ANKS3: variants seen among roughly 807,000 people sequenced by gnomAD.
The protein encoded by ANKS3 is ankyrin repeat and SAM domain-containing protein 3.
A neutral mutation model predicts 80.7 loss-of-function variants in ANKS3; 62 were observed. The ratio of observed to expected loss-of-function variants is 0.77; its 90% CI spans 0.63 to 0.95. The LOEUF (loss-of-function observed/expected upper bound fraction) is 0.95, where lower values mean the gene tolerates loss of function less well. ANKS3 is among the 40% of genes least tolerant of loss of function. The pLI is 0.00. For synonymous variants in ANKS3, 489 were observed against 355.3 expected (o/e 1.38, Z -4.23); for missense variants, 1,150 against 883.6 (o/e 1.30, Z -3.82).
At chr16:4,701,816 G>A (rs2079923458) in intron 9 of ANKS3, 2 of 506,320 alleles carry the variant, frequency 4.0e-6, no homozygotes, top group Non-Finnish European at 3.5e-6. Context: ...CGGAGGTGCA[G>A]TTATAACAGA....
In ANKS3 at chr16:4,702,119, C is replaced by G; in HGVS notation, c.992G>C (p.Ser331Thr). The G allele has an allele frequency of 2.5e-6, 4 of 1,596,468 alleles. No homozygotes were observed. Among genetic ancestry groups the G allele is most frequent in the Non-Finnish European group, 3.4e-6 (4 of 1,173,362 alleles). ...GCACGTACCCCGACTGCTGCTGCTG[C>G]TGCTGCTCTCCACATCCCGCTCATT... ...PINERDVESS[S>T]SSSSREEHAF... The change falls in exon 9 of 18, where the codon AGC becomes ACC. Residue 331 changes from serine to threonine, a missense_variant. Transcript: ENST00000304283.
At chr16:4,704,837 T>C (rs1356084258) in intron 8 of ANKS3, among the ~76,000 whole-genome samples, 1 of 152,220 alleles carries the variant, frequency 6.6e-6, no homozygotes, top group African/African-American at 2.4e-5. Flanking sequence ...GGAGAGAAAG[T>C]TCTATTCCTA....
At chr16:4,708,251 C>G (rs759622684) in intron 7 of ANKS3, among the ~76,000 whole-genome samples, 1 of 151,972 alleles carries the variant, frequency 6.6e-6, no homozygotes, top group Non-Finnish European at 1.5e-5. Flanking sequence ...AAATTAATTG[C>G]AAGATCAAAA....
chr16:4,707,568 C>A (rs1402744291), intron 7 of ANKS3, among the ~76,000 whole-genome samples: 1 of 152,094 alleles, frequency 6.6e-6, no homozygotes, highest in Non-Finnish European at 1.5e-5. Flanking sequence ...AGGTATGGGC[C>A]ATGCCCAGCC....
At chr16:4,700,565 T>A (rs2079842699) in intron 11 of ANKS3, 1 of 356,562 alleles carries the variant, frequency 2.8e-6, no homozygotes, top group Non-Finnish European at 5.5e-6. Context: ...TAATGTGTGG[T>A]CAGAGGGACC....
Position 4,699,100 on chromosome 16 carries a change from C to T in ANKS3, c.1361G>A (p.Arg454His), listed in dbSNP as rs138763631. ...GCTCTCAGTGAGGGTCAGAAAGATG[C>T]GGAGGTCCACGTCCTGCTCCTCAAA... ...QVFEEQDVDL[R>H]IFLTLTESDL... Residue 454 changes from arginine (R) to histidine (H), a missense_variant, in exon 12 of 18, where the codon CGC becomes CAC. Physicochemically the swap from Arg to His is conservative, Grantham distance 29. Coordinates refer to ENST00000304283, the MANE Select transcript of ANKS3 (RefSeq NM_133450.4). The T allele has an allele frequency of 7.4e-6, 12 of 1,614,134 alleles. No individual in the cohort carries two copies. The highest frequency in any genetic ancestry group is 1.1e-5 in the South Asian group (1 of 91,078).
Position 4,701,002 on chromosome 16 carries a change from G to C in ANKS3, c.1252C>G (p.Gln418Glu). 3 of 1,613,936 alleles carry C rather than the reference G, an allele frequency of 1.9e-6. No individual in the cohort carries two copies. Among genetic ancestry groups the C allele is most frequent in the Non-Finnish European group, 1.7e-6 (2 of 1,179,918 alleles). ...CCTGAGTAGGGGGCCCTCTGAGTCT[G>C]GGGGCTGGACTCAGCGAGAAAGCCT... is the stretch of plus-strand genomic sequence containing the variant. ...REGFLAESSP[Q>E]TQRAPYSGPQ... Residue 418 changes from glutamine to glutamate, a missense_variant, in exon 11 of 18, where the codon CAG (glutamine) becomes GAG (glutamate). Gln to Glu is a conservative substitution (Grantham distance 29). Transcript: ENST00000304283.
intron 10 of ANKS3, 51 bp downstream of exon 10, chr16:4,701,383 C>T (rs754936595): frequency 1.1e-5 from 16 of 1,499,284 alleles, no homozygotes; most frequent in Non-Finnish European, 1.4e-5. Context: ...GGATGTCAGG[C>T]ATCCCAGCCA....
chr16:4,715,908 G>A (rs79537541), intron 6 of ANKS3, among the ~76,000 whole-genome samples: 2,882 of 152,040 alleles, frequency 0.019, 44 homozygotes, highest in Non-Finnish European at 0.03. Context: ...TTTCACTGTG[G>A]CATTCAGCAT....
chr16:4,708,503 A>AG (rs1450028215), intron 7 of ANKS3, among the ~76,000 whole-genome samples: 1 of 152,232 alleles, frequency 6.6e-6, no homozygotes, highest in African/African-American at 2.4e-5. Context: ...TCAAAAAACT[A>AG]GAACAACAAA....
chr16:4,725,355 C>T (rs1170817613), intron 5 of ANKS3, among the ~76,000 whole-genome samples: 1 of 152,192 alleles, frequency 6.6e-6, no homozygotes, highest in Non-Finnish European at 1.5e-5. Flanking sequence ...TTGTCTCATG[C>T]TGGTTTGGAA....
At chr16:4,725,410 G>A (rs1192371977) in intron 5 of ANKS3, among the ~76,000 whole-genome samples, 4 of 152,148 alleles carry the variant, frequency 2.6e-5, no homozygotes, top group Non-Finnish European at 5.9e-5. Context: ...TCCATCTTAA[G>A]ACACACAGTG....
intron 6 of ANKS3, among the ~76,000 whole-genome samples, chr16:4,719,286 CGCGCCACTGT>C (rs1221435094): frequency 3.3e-5 from 5 of 152,264 alleles, no homozygotes; most frequent in African/African-American, 1.2e-4. Context: ...AAACTATGAT[CGCGCCACTGT>C]GCTCCAGCAT....
At chr16:4,713,446 TG>T (rs1393153291) in intron 7 of ANKS3, among the ~76,000 whole-genome samples, 1 of 151,828 alleles carries the variant, frequency 6.6e-6, no homozygotes, top group Non-Finnish European at 1.5e-5. Flanking sequence ...CCCTGAGAGT[TG>T]GGGGGAAAAA....
rs997541300 is a variant in ANKS3, at chr16:4,711,977, G to A, written c.709+2074C>T. Among the ~76,000 whole-genome samples the A allele has an allele frequency of 2.0e-5, 3 of 152,140 alleles. No homozygotes were observed. The East Asian group carries it at 5.8e-4, about 29-fold the overall frequency. On this transcript the variant is annotated intron_variant, in intron 7 of 17. Transcript: ENST00000304283. ...TAAGACCAGGTAGCACTAATGCTACGTGTATTGTCCTAGAACACAAAAAAG... is the reference window on the plus strand; with the variant it reads ...TAAGACCAGGTAGCACTAATGCTACATGTATTGTCCTAGAACACAAAAAAG...
In ANKS3 at chr16:4,731,563, G is replaced by A. The variant is rs1008122415; in HGVS notation, c.-54C>T. 6.7e-6 allele frequency: 6 copies of A among 901,280 alleles called. No homozygotes were observed. In the Admixed American group the frequency reaches 1.9e-4, roughly 28 times the overall value. 55.8% of individuals were successfully genotyped at this position (901,280 alleles called of 1,614,324 possible). ...CTCAAAGTCCTGGAAATATAGGCGT[G>A]AGCCACTGCACCTGGCCTGTAAATT... On this transcript the variant is annotated 5_prime_UTR_variant, in exon 2 of 18. Transcript: ENST00000304283.
intron 6 of ANKS3, 61 bp from the exon 7 acceptor site, chr16:4,714,247 G>T: frequency 1.3e-6 from 2 of 1,594,594 alleles, no homozygotes; most frequent in Admixed American, 3.5e-5. Flanking sequence ...CCCTTCCTGG[G>T]CTGCTGGCTG....
At chr16:4,721,375 G>A (rs113793273) in intron 6 of ANKS3, among the ~76,000 whole-genome samples, 19 of 150,788 alleles carry the variant, frequency 1.3e-4, no homozygotes, top group African/African-American at 3.6e-4. Flanking sequence ...TTGGGAGACC[G>A]AGGCAGGCGA....
At chr16:4,714,275 A>G in intron 6 of ANKS3, 89 bp from the exon 7 acceptor site, 2 of 1,546,492 alleles carry the variant, frequency 1.3e-6, no homozygotes, top group Non-Finnish European at 1.8e-6. Context: ...AGAAGGGCAT[A>G]TGCTGGTTTC....
Sources: gnomAD v4.1 joint callset for allele counts (sites outside exome capture counted in the v4.1 genomes callset) on GRCh38, gnomAD v4.1.1 for gene constraint, MANE v1.5 for transcripts, NCBI Gene and HGNC (gene_info 2026-07-23, HGNC 2026-07-21) for gene names.